EPHA6: variants seen among roughly 807,000 people sequenced by gnomAD.
EPHA6 encodes the protein ephrin type-A receptor 6.
A neutral mutation model predicts 112.0 loss-of-function variants in EPHA6; 50 were observed. The observed-to-expected ratio is 0.45, with a 90% CI of 0.36 to 0.56. The LOEUF (loss-of-function observed/expected upper bound fraction) is 0.56, where lower values mean the gene tolerates loss of function less well. Among genes scored for constraint, EPHA6 ranks in the 20% least tolerant of loss-of-function variants. The pLI, the probability that EPHA6 is intolerant of heterozygous loss-of-function variation, is 0.00. For synonymous variants in EPHA6, 529 were observed against 490.7 expected (o/e 1.08, Z -1.03); for missense variants, 1,280 against 1,417.4 (o/e 0.90, Z 1.56).
At chr3:97,596,813 T>TATATATA (rs2093595860) in intron 12 of EPHA6, among the ~76,000 whole-genome samples, 1 of 134,956 alleles carries the variant, frequency 7.4e-6, no homozygotes, top group East Asian at 2.1e-4. Flanking sequence ...TATATATGGG[T>TATATATA]TATGTTAGTT....
chr3:96,993,363 C>A (rs1168610680), intron 3 of EPHA6, among the ~76,000 whole-genome samples: 2 of 150,930 alleles, frequency 1.3e-5, no homozygotes, highest in African/African-American at 4.9e-5. Flanking sequence ...GTGGCGCGAT[C>A]TTGCCGCACT....
chr3:97,684,303 G>A (rs1272962906), intron 14 of EPHA6, among the ~76,000 whole-genome samples: 1 of 152,032 alleles, frequency 6.6e-6, no homozygotes, highest in East Asian at 1.9e-4. Context: ...AGTTAACAAA[G>A]CTTAAGATTT....
At chr3:97,359,529 T>G (rs1284985404) in intron 5 of EPHA6, among the ~76,000 whole-genome samples, 1 of 152,028 alleles carries the variant, frequency 6.6e-6, no homozygotes, top group Non-Finnish European at 1.5e-5. Flanking sequence ...TTTGTTTAAG[T>G]CTTTGTTTAA....
At chr3:97,211,409 C>T (rs1345525476) in intron 3 of EPHA6, among the ~76,000 whole-genome samples, 1 of 152,136 alleles carries the variant, frequency 6.6e-6, no homozygotes, top group African/African-American at 2.4e-5. Context: ...GTTTGGGCTT[C>T]TGTAACAAAA....
At chr3:97,122,544 A>G (rs1176482992) in intron 3 of EPHA6, among the ~76,000 whole-genome samples, 1 of 152,062 alleles carries the variant, frequency 6.6e-6, no homozygotes, top group Middle Eastern at 3.2e-3. Flanking sequence ...AAAAAACACT[A>G]CAAATATCTC....
intron 5 of EPHA6, among the ~76,000 whole-genome samples, chr3:97,295,644 A>G (rs1042314985): frequency 2.0e-5 from 3 of 149,672 alleles, no homozygotes; most frequent in Admixed American, 6.6e-5. Flanking sequence ...TTTATGTTGT[A>G]TCTGTGCATT....
At chr3:97,037,045 G>A (rs1001031709) in intron 3 of EPHA6, among the ~76,000 whole-genome samples, 1 of 151,874 alleles carries the variant, frequency 6.6e-6, no homozygotes, top group Admixed American at 6.6e-5. Context: ...CAAAATGTTT[G>A]TTTACTAAAA....
At chr3:97,690,816 A>G (rs1347923194) in intron 14 of EPHA6, among the ~76,000 whole-genome samples, 2 of 152,142 alleles carry the variant, frequency 1.3e-5, no homozygotes, top group Non-Finnish European at 2.9e-5. Context: ...ACTGAGTTGT[A>G]AGAGTTCTTT....
intron 3 of EPHA6, among the ~76,000 whole-genome samples, chr3:97,029,649 T>C (rs182997066): frequency 6.6e-6 from 1 of 152,108 alleles, no homozygotes; most frequent in Non-Finnish European, 1.5e-5. Context: ...TAGTAATATT[T>C]TGTAACTCTG....
At chr3:97,544,865 T>C (rs2092922537) in intron 11 of EPHA6, among the ~76,000 whole-genome samples, 1 of 152,210 alleles carries the variant, frequency 6.6e-6, no homozygotes, top group Non-Finnish European at 1.5e-5. Context: ...CTAGATTTTC[T>C]AGTTTATTTG....
intron 3 of EPHA6, among the ~76,000 whole-genome samples, chr3:97,002,313 GA>G (rs940987448): frequency 4.8e-4 from 72 of 150,988 alleles, no homozygotes; most frequent in Non-Finnish European, 8.3e-4. Context: ...CTATGGAGAT[GA>G]AGTATTAATA....
intron 3 of EPHA6, chr3:97,010,235 A>G: frequency 2.0e-6 from 1 of 488,372 alleles, no homozygotes; most frequent in South Asian, 2.1e-5. Context: ...GATTATTTGT[A>G]ATATCATGTA....
intron 6 of EPHA6, among the ~76,000 whole-genome samples, chr3:97,420,775 G>T (rs2088554368): frequency 6.6e-6 from 1 of 151,114 alleles, no homozygotes; most frequent in Non-Finnish European, 1.5e-5. Flanking sequence ...TTACTCAGAA[G>T]CATAGGTACA....
chr3:97,178,997 A>G (rs2076911684), intron 3 of EPHA6, among the ~76,000 whole-genome samples: 1 of 151,942 alleles, frequency 6.6e-6, no homozygotes, highest in Admixed American at 6.6e-5. Context: ...TCTTTTCTAG[A>G]TACTGTAGAA....
intron 11 of EPHA6, among the ~76,000 whole-genome samples, chr3:97,538,981 CTCTTTCTTTCTTTCTTTCTTTCTTTCTT>C (rs796705721): frequency 1.5e-5 from 2 of 130,156 alleles, no homozygotes; most frequent in African/African-American, 3.0e-5. Flanking sequence ...CACTTTCTCT[CTCTTTCTTTCTTTCTTTCTTTCTTTCTT>C]TCTTTCTTTC....
At chr3:97,066,958 G>C (rs16838198) in intron 3 of EPHA6, among the ~76,000 whole-genome samples, 2,682 of 152,144 alleles carry the variant, frequency 0.018, 82 homozygotes, top group African/African-American at 0.055. Flanking sequence ...ACTCCTAGTT[G>C]AACAATTTAA....
intron 4 of EPHA6, among the ~76,000 whole-genome samples, chr3:97,235,644 A>G (rs755019972): frequency 1.3e-4 from 20 of 152,112 alleles, no homozygotes; most frequent in Non-Finnish European, 2.5e-4. Flanking sequence ...TTCTAAATGA[A>G]CAACAATAAC....
chr3:97,584,004 T>C (rs2107301891), intron 11 of EPHA6, among the ~76,000 whole-genome samples: 1 of 152,304 alleles, frequency 6.6e-6, no homozygotes, highest in East Asian at 1.9e-4. Flanking sequence ...CCCCGATCCC[T>C]GAACACTGGG....
At chr3:97,637,373 A>C (rs932481976) in intron 13 of EPHA6, among the ~76,000 whole-genome samples, 1 of 151,766 alleles carries the variant, frequency 6.6e-6, no homozygotes, top group African/African-American at 2.4e-5. Flanking sequence ...TCTTGTTTAT[A>C]CCATCACTTT....
Sources: allele counts gnomAD v4.1 joint callset (sites outside exome capture counted in the v4.1 genomes callset), GRCh38; gene constraint gnomAD v4.1.1; transcripts MANE v1.5; gene names NCBI Gene and HGNC (gene_info 2026-07-23, HGNC 2026-07-21).